EHBP1: variants seen among roughly 807,000 people sequenced by gnomAD.
EHBP1 encodes the protein EH domain binding protein 1.
In EHBP1, 55 loss-of-function variants were observed where a neutral mutation model predicts 144.0. That is an observed-to-expected ratio of 0.38 (90% CI 0.31 to 0.48). The LOEUF (loss-of-function observed/expected upper bound fraction) is 0.48, where lower values mean the gene tolerates loss of function less well. EHBP1 is among the 20% of genes least tolerant of loss of function. The pLI is 0.98. For missense variants in EHBP1, 1,200 were observed against 1,364.2 expected (o/e 0.88, Z 1.90); for synonymous variants, 469 against 472.7 (o/e 0.99, Z 0.10).
chr2:62,951,211 G>A (rs577117809), intron 13 of EHBP1, among the ~76,000 whole-genome samples: 7 of 152,126 alleles, frequency 4.6e-5, no homozygotes, highest in South Asian at 2.1e-4. Flanking sequence ...AACAATATAC[G>A]TATAGGTAGA....
intron 14 of EHBP1, among the ~76,000 whole-genome samples, chr2:62,965,219 G>A (rs1226698889): frequency 1.3e-5 from 2 of 151,922 alleles, no homozygotes; most frequent in African/African-American, 4.8e-5. Flanking sequence ...TCTAAAAGGG[G>A]GTTAAACTGC....
chr2:62,885,413 G>C (rs1349121279), intron 10 of EHBP1, among the ~76,000 whole-genome samples: 7 of 151,702 alleles, frequency 4.6e-5, no homozygotes, highest in Admixed American at 4.6e-4. Flanking sequence ...AACAGCTTAA[G>C]AAAAAAGATC....
At position 62,771,401 on chromosome 2, in the gene EHBP1, A is replaced by T. The variant is rs2041651133; in HGVS notation, c.312+9A>T. 1 of 1,583,268 alleles carries T rather than the reference A, an allele frequency of 6.3e-7. No homozygotes were observed. The highest frequency in any genetic ancestry group is 8.6e-7 in the Non-Finnish European group (1 of 1,163,498). ...CATTTGTCATAGAAAATGTAAGCTA[A>T]TGGCAAATTCCTTCACCTTTCACAT... On this transcript the variant is annotated intron_variant, in intron 5 of 22. Coordinates refer to ENST00000431489, the MANE Select transcript of EHBP1 (RefSeq NM_001142616.3).
intron 2 of EHBP1, among the ~76,000 whole-genome samples, chr2:62,747,023 C>A (rs954293904): frequency 6.6e-6 from 1 of 151,950 alleles, no homozygotes; most frequent in Non-Finnish European, 1.5e-5. Flanking sequence ...TTTGCAAGTG[C>A]CCTTTTTATG....
intron 2 of EHBP1, among the ~76,000 whole-genome samples, chr2:62,721,430 A>G (rs542847458): frequency 1.3e-5 from 2 of 152,294 alleles, no homozygotes; most frequent in Non-Finnish European, 2.9e-5. Flanking sequence ...ACCCTTTCAT[A>G]TTTTATGCAT....
chr2:62,996,567 T>C (rs2059635531), intron 18 of EHBP1, 76 bp from the exon 19 acceptor site: 1 of 1,589,202 alleles, frequency 6.3e-7, no homozygotes, highest in East Asian at 2.3e-5. Context: ...GTAAGTGCTT[T>C]ACTAAGTGTT....
intron 2 of EHBP1, among the ~76,000 whole-genome samples, chr2:62,730,750 A>G (rs988835444): frequency 1.8e-5 from 2 of 113,948 alleles, no homozygotes; most frequent in African/African-American, 6.6e-5. Context: ...ACACAAAGAG[A>G]GAAAGAAAGA....
At chr2:62,691,865 A>C (rs889636949) in intron 1 of EHBP1, among the ~76,000 whole-genome samples, 3 of 152,166 alleles carry the variant, frequency 2.0e-5, no homozygotes, top group Non-Finnish European at 4.4e-5. Context: ...ATGTGGCTGC[A>C]GTGGTTTCTT....
chr2:62,691,705 T>C (rs2033911451), intron 1 of EHBP1, among the ~76,000 whole-genome samples: 1 of 152,288 alleles, frequency 6.6e-6, no homozygotes, highest in Middle Eastern at 3.4e-3. Context: ...AAGTGACTTG[T>C]CCCAGGCTGC....
At chr2:62,923,628 C>T (rs1477325085) in intron 10 of EHBP1, among the ~76,000 whole-genome samples, 1 of 152,126 alleles carries the variant, frequency 6.6e-6, no homozygotes, top group African/African-American at 2.4e-5. Context: ...AAGGAGCTCC[C>T]AGGCTGCCTA....
chr2:63,012,899 A>C (rs2060328136), intron 19 of EHBP1, among the ~76,000 whole-genome samples: 1 of 152,218 alleles, frequency 6.6e-6, no homozygotes, highest in South Asian at 2.1e-4. Flanking sequence ...TGCAACTTGG[A>C]AACATTCATG....
At chr2:62,882,932 C>T (rs899441073) in intron 10 of EHBP1, among the ~76,000 whole-genome samples, 7 of 151,550 alleles carry the variant, frequency 4.6e-5, no homozygotes, top group African/African-American at 9.7e-5. Context: ...TACTGTATGC[C>T]GGGCAATATT....
intron 19 of EHBP1, among the ~76,000 whole-genome samples, chr2:63,031,107 C>G (rs561197923): frequency 2.0e-5 from 3 of 152,074 alleles, no homozygotes; most frequent in South Asian, 4.2e-4. Flanking sequence ...TCCACTCCCA[C>G]TTTTAAAGAA....
At position 62,714,144 on chromosome 2, in the gene EHBP1, G is replaced by T. The variant is rs1397315; in HGVS notation, c.104+6849G>T. Among the ~76,000 whole-genome samples the T allele has an allele frequency of 3.0e-4, 46 of 152,280 alleles. No individual in the cohort carries two copies. In the East Asian group the frequency reaches 6.8e-3, roughly 22 times the overall value. On this transcript the variant is annotated intron_variant, in intron 2 of 22. Coordinates refer to ENST00000431489, the MANE Select transcript of EHBP1 (RefSeq NM_001142616.3). ...AAATATTCACACTTTGGGAGGGGCTGAGGTGGCAGGATCCCATGAACTCAG... is the reference window on the plus strand; with the variant it reads ...AAATATTCACACTTTGGGAGGGGCTTAGGTGGCAGGATCCCATGAACTCAG...
intron 5 of EHBP1, 169 bp from the exon 6 acceptor site, chr2:62,825,918 A>C: frequency 2.2e-6 from 1 of 463,994 alleles, no homozygotes; most frequent in South Asian, 6.4e-5. Flanking sequence ...TAAATGTAAC[A>C]ACTGTGATAC....
intron 10 of EHBP1, among the ~76,000 whole-genome samples, chr2:62,888,506 C>G (rs941203890): frequency 6.6e-6 from 1 of 152,226 alleles, no homozygotes; most frequent in African/African-American, 2.4e-5. Context: ...GTGCCTGTCA[C>G]AGTTTTCTGA....
intron 3 of EHBP1, among the ~76,000 whole-genome samples, chr2:62,759,033 A>G (rs889885210): frequency 2.6e-5 from 4 of 152,216 alleles, no homozygotes; most frequent in Non-Finnish European, 1.5e-5. Flanking sequence ...TACTAGGTAC[A>G]CGTTTTTTAG....
chr2:62,870,734 A>AC (rs1484523172), intron 9 of EHBP1, among the ~76,000 whole-genome samples: 3 of 136,624 alleles, frequency 2.2e-5, no homozygotes, highest in African/African-American at 8.8e-5. Context: ...AAAAAAAAAA[A>AC]ATACATATAT....
intron 5 of EHBP1, among the ~76,000 whole-genome samples, chr2:62,775,462 A>C (rs2041991982): frequency 6.6e-6 from 1 of 152,184 alleles, no homozygotes; most frequent in Non-Finnish European, 1.5e-5. Context: ...CCTGACACTG[A>C]AAAGGTATGC....
Sources: gnomAD v4.1 joint callset for allele counts (sites outside exome capture counted in the v4.1 genomes callset) on GRCh38, gnomAD v4.1.1 for gene constraint, MANE v1.5 for transcripts, NCBI Gene and HGNC (gene_info 2026-07-23, HGNC 2026-07-21) for gene names.